Variants in ST8SIA6 observed in about 807,000 individuals in gnomAD.
The protein encoded by ST8SIA6 is alpha-2,8-sialyltransferase 8F.
ST8SIA6 carries 39 observed loss-of-function variants against 33.6 expected under a neutral mutation model. The ratio of observed to expected loss-of-function variants is 1.16; its 90% CI spans 0.90 to 1.52. The LOEUF is 1.52. ST8SIA6 is among the 40% of genes most tolerant of loss of function. ST8SIA6 has a pLI of 0.00. For missense variants in ST8SIA6, 441 were observed against 443.8 expected, an observed-to-expected ratio of 0.99 and a Z score of 0.06; for synonymous variants, 172 against 167.2, an observed-to-expected ratio of 1.03 and a Z score of -0.22.
At chr10:17,421,963 T>A (rs919844178) in intron 2 of ST8SIA6, among the ~76,000 whole-genome samples, 1 of 152,162 alleles carries the variant, frequency 6.6e-6, no homozygotes, top group African/African-American at 2.4e-5. Context: ...ATTCTGCAAG[T>A]GTTTGCTTTA....
At chr10:17,446,263 T>C (rs952154887) in intron 2 of ST8SIA6, among the ~76,000 whole-genome samples, 1 of 152,202 alleles carries the variant, frequency 6.6e-6, no homozygotes, top group Non-Finnish European at 1.5e-5. Flanking sequence ...GAAAATATTC[T>C]ATAATGTAGG....
At chr10:17,445,326 C>A (rs1852667011) in intron 2 of ST8SIA6, among the ~76,000 whole-genome samples, 1 of 152,172 alleles carries the variant, frequency 6.6e-6, no homozygotes, top group Admixed American at 6.5e-5. Flanking sequence ...CAAGTCTACA[C>A]AAAATGACAA....
chr10:17,413,410 A>G (rs1381980518), intron 2 of ST8SIA6: 1 of 152,134 alleles, frequency 6.6e-6, no homozygotes, highest in Non-Finnish European at 1.5e-5. Flanking sequence ...TGCTTGAGCA[A>G]TTCAAGATAT....
chr10:17,353,300 A>G (rs1345440506), intron 4 of ST8SIA6, among the ~76,000 whole-genome samples: 1 of 152,230 alleles, frequency 6.6e-6, no homozygotes, highest in Non-Finnish European at 1.5e-5. Flanking sequence ...TTCCAGTTTT[A>G]TGATCTAATG....
At chr10:17,405,669 G>A (rs1420845315) in intron 2 of ST8SIA6, among the ~76,000 whole-genome samples, 1 of 150,952 alleles carries the variant, frequency 6.6e-6, no homozygotes, top group East Asian at 1.9e-4. Flanking sequence ...ATTTCACAAG[G>A]TCAGGAGTTC....
chr10:17,448,117 A>C (rs1412817549), intron 2 of ST8SIA6, among the ~76,000 whole-genome samples: 1 of 152,130 alleles, frequency 6.6e-6, no homozygotes, highest in East Asian at 1.9e-4. Context: ...GAGGATTTCT[A>C]ATTAGCCTTA....
chr10:17,358,595 AAGG>A (rs975924218), intron 4 of ST8SIA6, among the ~76,000 whole-genome samples: 6 of 148,778 alleles, frequency 4.0e-5, no homozygotes, highest in South Asian at 4.2e-4. Context: ...GAAGAGGAAG[AAGG>A]AGGAGAAGGA....
At chr10:17,327,182 A>C (rs2131580255) in intron 5 of ST8SIA6, 56 bp from the exon 6 acceptor site, 1 of 1,328,242 alleles carries the variant, frequency 7.5e-7, no homozygotes, top group Non-Finnish European at 1.1e-6. Flanking sequence ...AGAACCATAG[A>C]CAACAGCTTA....
At chr10:17,378,004 T>C (rs1849976634) in intron 3 of ST8SIA6, among the ~76,000 whole-genome samples, 1 of 152,066 alleles carries the variant, frequency 6.6e-6, no homozygotes, top group African/African-American at 2.4e-5. Context: ...TCATGCCTGC[T>C]CTCTCTAGAC....
intron 3 of ST8SIA6, among the ~76,000 whole-genome samples, chr10:17,388,445 G>A (rs975014945): frequency 1.3e-5 from 2 of 152,192 alleles, no homozygotes; most frequent in South Asian, 2.1e-4. Context: ...CCCCAGGGAA[G>A]GGAAGGAATG....
At chr10:17,394,566 G>A (rs1850733992) in intron 2 of ST8SIA6, among the ~76,000 whole-genome samples, 1 of 152,078 alleles carries the variant, frequency 6.6e-6, no homozygotes, top group Admixed American at 6.6e-5. Flanking sequence ...GTAATGAAAG[G>A]TACAGACAGA....
At position 17,379,131 on chromosome 10, in the gene ST8SIA6, A is replaced by C. The variant is rs201897838; in HGVS notation, c.290+11400T>G. Among the ~76,000 whole-genome samples, 404 of 121,372 alleles carry C rather than the reference A, an allele frequency of 3.3e-3. 1 individual carries two copies. Among genetic ancestry groups the C allele is most frequent in the East Asian group, 1.0e-2 (46 of 4,608 alleles). The allele number at this position is 121,372 out of a possible 152,430, so 79.6% of individuals were successfully genotyped here. On this transcript the variant is annotated intron_variant, in intron 3 of 7. Coordinates refer to ENST00000377602, the MANE Select transcript of ST8SIA6 (RefSeq NM_001004470.3). The stretch of plus-strand genomic sequence containing the variant: ...ACAAGAGTGAGACTCTGTCTCAAAA[A>C]AAAAACAAAAACAAAAAAAACCGAA...
intron 2 of ST8SIA6, among the ~76,000 whole-genome samples, chr10:17,433,414 C>A (rs12265850): frequency 0.18 from 27,304 of 152,154 alleles, 3,803 homozygotes; most frequent in African/African-American, 0.39. Flanking sequence ...TTGGTAATCA[C>A]GGAAATTCCA....
intron 5 of ST8SIA6, among the ~76,000 whole-genome samples, chr10:17,329,193 A>C (rs1210173797): frequency 6.6e-6 from 1 of 152,172 alleles, no homozygotes; most frequent in African/African-American, 2.4e-5. Context: ...TTTTTATGCA[A>C]GAGGCACTAT....
At chr10:17,326,938 G>A in intron 6 of ST8SIA6, 76 bp downstream of exon 6, 1 of 1,007,390 alleles carries the variant, frequency 9.9e-7, no homozygotes, top group South Asian at 1.9e-5. Flanking sequence ...ATATACAATG[G>A]ATATCTTTAC....
Position 17,340,303 on chromosome 10 carries a change from GTCCTGAGTCACCCCTGGTCACCTGCTCCA to G in ST8SIA6, c.378-8780_378-8752del, listed in dbSNP as rs374123850. Among the ~76,000 whole-genome samples, 1,144 of 151,578 alleles carry G rather than the reference GTCCTGAGTCACCCCTGGTCACCTGCTCCA, an allele frequency of 7.5e-3. 14 individuals are homozygous for G. Among genetic ancestry groups the G allele is most frequent in the African/African-American group, 0.026 (1,065 of 41,278 alleles). On this transcript the variant is annotated intron_variant, in intron 4 of 7. Transcript: ENST00000377602. Reference sequence around the variant, plus strand: ...CTGAGTCACCCTGGTCACCTGTTCCGTCCTGAGTCACCCCTGGTCACCTGCTCCATCCTGAGTCACCCCTGGTCACCTGC... The same window carrying G: ...CTGAGTCACCCTGGTCACCTGTTCCGTCCTGAGTCACCCCTGGTCACCTGC...
At chr10:17,355,665 C>G (rs1849167618) in intron 4 of ST8SIA6, among the ~76,000 whole-genome samples, 1 of 152,174 alleles carries the variant, frequency 6.6e-6, no homozygotes, top group Non-Finnish European at 1.5e-5. Flanking sequence ...ATTCATTATG[C>G]TGTCCGAATA....
At chr10:17,359,455 C>G in intron 4 of ST8SIA6, 59 bp downstream of exon 4, 1 of 1,367,602 alleles carries the variant, frequency 7.3e-7, no homozygotes, top group Non-Finnish European at 1.0e-6. Flanking sequence ...GCCTATTTTT[C>G]TACAAAGCAA....
At chr10:17,390,435 G>C in intron 3 of ST8SIA6, 96 bp downstream of exon 3, 2 of 1,059,162 alleles carry the variant, frequency 1.9e-6, no homozygotes, top group Non-Finnish European at 2.8e-6. Context: ...AGAGTGAACA[G>C]TCTCATATTC....
Sources: allele counts gnomAD v4.1 joint callset (sites outside exome capture counted in the v4.1 genomes callset), GRCh38; gene constraint gnomAD v4.1.1; transcripts MANE v1.5; gene names NCBI Gene and HGNC (gene_info 2026-07-23, HGNC 2026-07-21).